NBAS: variants seen among roughly 807,000 people sequenced by gnomAD.
The protein encoded by NBAS is NAG/BC035112 fusion.
In NBAS, 219 loss-of-function variants were observed where a neutral mutation model predicts 302.5. The observed-to-expected ratio is 0.72, with a 90% CI of 0.65 to 0.81. The LOEUF (loss-of-function observed/expected upper bound fraction) is 0.81, where lower values mean the gene tolerates loss of function less well. Ranked by LOEUF, NBAS falls within the 30% of genes least tolerant of loss-of-function variation. NBAS has a pLI of 0.00. For missense variants in NBAS, 2,932 were observed against 2,841.6 expected (o/e 1.03, Z -0.72); for synonymous variants, 1,118 against 1,021.6 (o/e 1.09, Z -1.80).
chr2:15,275,225 A>G (rs1669517463), intron 44 of NBAS, among the ~76,000 whole-genome samples: 1 of 152,240 alleles, frequency 6.6e-6, no homozygotes, highest in South Asian at 2.1e-4. Flanking sequence ...ATAAAGTGAC[A>G]TGAGAACTGT....
chr2:15,378,601 T>G (rs1036972289), intron 30 of NBAS, among the ~76,000 whole-genome samples: 1 of 152,224 alleles, frequency 6.6e-6, no homozygotes, highest in Non-Finnish European at 1.5e-5. Context: ...AACACTTCCA[T>G]TAGCCTACAG....
the NBAS span, among the ~76,000 whole-genome samples, chr2:14,944,211 A>C: frequency 6.6e-6 from 1 of 152,178 alleles, no homozygotes; most frequent in Non-Finnish European, 1.5e-5. Context: ...GAGGCAGGAG[A>C]ATGGCGTGAA....
chr2:15,090,402 G>A, the NBAS span, among the ~76,000 whole-genome samples: 2 of 152,194 alleles, frequency 1.3e-5, no homozygotes, highest in Non-Finnish European at 2.9e-5. Flanking sequence ...GTCAACCAGC[G>A]TTCATATTCT....
At chr2:15,144,807 G>C in the NBAS span, among the ~76,000 whole-genome samples, 4 of 152,210 alleles carry the variant, frequency 2.6e-5, no homozygotes, top group Non-Finnish European at 5.9e-5. Flanking sequence ...TGGTTTATGA[G>C]ATCTGGTTTT....
chr2:14,962,466 A>G, the NBAS span, among the ~76,000 whole-genome samples: 9 of 152,122 alleles, frequency 5.9e-5, no homozygotes, highest in African/African-American at 2.2e-4. Context: ...TAAAGAATCT[A>G]CCCAGATTCT....
intron 23 of NBAS, among the ~76,000 whole-genome samples, chr2:15,418,890 AG>A (rs1366794409): frequency 6.6e-6 from 1 of 152,234 alleles, no homozygotes; most frequent in East Asian, 1.9e-4. Flanking sequence ...AGGAAGGCAG[AG>A]GATTTCTGAA....
chr2:15,538,281 T>A, intron 7 of NBAS: 1 of 390,888 alleles, frequency 2.6e-6, no homozygotes, highest in South Asian at 2.1e-5. Flanking sequence ...TAGCCAGAAA[T>A]AGTCTAGAAA....
chr2:15,461,300 T>C lies in NBAS; in HGVS notation c.2240A>G (p.Tyr747Cys). Reference protein sequence around the residue: ...NVQALEILFTYHGSDLLPHRL... With the variant: ...NVQALEILFTCHGSDLLPHRL... Reference sequence around the variant, plus strand: ...ATGAGGAAGCAGGTCGGAACCATGGTAAGTAAACAGAATTTCCAGGGCTTG... The same window carrying C: ...ATGAGGAAGCAGGTCGGAACCATGGCAAGTAAACAGAATTTCCAGGGCTTG... The change falls in exon 21 of 52, where the codon TAC becomes TGC. Residue 747 changes from tyrosine (Y) to cysteine (C), a missense_variant. Coordinates refer to ENST00000281513, the MANE Select transcript of NBAS (RefSeq NM_015909.4). 6.2e-7 allele frequency: 1 copy of C among 1,613,176 alleles called. No homozygotes were observed. The highest frequency in any genetic ancestry group is 8.5e-7 in the Non-Finnish European group (1 of 1,179,176).
intron 44 of NBAS, among the ~76,000 whole-genome samples, chr2:15,240,823 C>A (rs1454487936): frequency 6.6e-6 from 1 of 152,132 alleles, no homozygotes; most frequent in African/African-American, 2.4e-5. Flanking sequence ...CATTGACTGA[C>A]AAGTATTAAT....
chr2:15,360,291 C>A (rs1417723227), intron 32 of NBAS, among the ~76,000 whole-genome samples: 1 of 139,816 alleles, frequency 7.2e-6, no homozygotes, highest in African/African-American at 2.6e-5. Flanking sequence ...AAATATTTTT[C>A]TTTCTTCAGT....
the NBAS span, among the ~76,000 whole-genome samples, chr2:14,999,755 T>C: frequency 1.3e-5 from 2 of 152,244 alleles, no homozygotes; most frequent in African/African-American, 4.8e-5. Flanking sequence ...AATGGACTAA[T>C]ACATTATCTA....
chr2:15,081,905 G>A, the NBAS span, among the ~76,000 whole-genome samples: 1 of 152,172 alleles, frequency 6.6e-6, no homozygotes, highest in Non-Finnish European at 1.5e-5. Flanking sequence ...GGCACATGTG[G>A]GTTAGAATCA....
the NBAS span, among the ~76,000 whole-genome samples, chr2:14,850,254 A>C: frequency 7.7e-6 from 1 of 129,630 alleles, no homozygotes; most frequent in Non-Finnish European, 1.5e-5. Flanking sequence ...CAAATGGAAA[A>C]CAAAAAAAGG....
chr2:14,857,550 G>A, the NBAS span, among the ~76,000 whole-genome samples: 1 of 151,994 alleles, frequency 6.6e-6, no homozygotes, highest in South Asian at 2.1e-4. Context: ...TTTTGACAAA[G>A]GTGTCAAGAG....
chr2:15,441,694 T>G (rs1399640748), intron 21 of NBAS, among the ~76,000 whole-genome samples: 1 of 151,390 alleles, frequency 6.6e-6, no homozygotes, highest in Non-Finnish European at 1.5e-5. Flanking sequence ...ATGCTCCAAT[T>G]AAAAGACACA....
the NBAS span, among the ~76,000 whole-genome samples, chr2:15,033,459 G>T: frequency 1.3e-5 from 2 of 152,114 alleles, no homozygotes; most frequent in African/African-American, 4.8e-5. Flanking sequence ...AGACTTTTAG[G>T]GTTGTAGGGA....
At chr2:15,216,204 CT>C (rs1666647491) in intron 48 of NBAS, among the ~76,000 whole-genome samples, 1 of 152,290 alleles carries the variant, frequency 6.6e-6, no homozygotes, top group East Asian at 1.9e-4. Context: ...GCCAGTGTGG[CT>C]TTCTTATTTG....
intron 11 of NBAS, among the ~76,000 whole-genome samples, chr2:15,502,802 C>A (rs1661643138): frequency 6.6e-6 from 1 of 152,290 alleles, no homozygotes; most frequent in Non-Finnish European, 1.5e-5. Flanking sequence ...CCACTACATT[C>A]ATTTTTTTAA....
intron 21 of NBAS, among the ~76,000 whole-genome samples, chr2:15,440,608 T>G (rs1188412111): frequency 6.6e-6 from 1 of 152,134 alleles, no homozygotes; most frequent in Non-Finnish European, 1.5e-5. Context: ...GCAACTCTCC[T>G]CCTCCAAAGG....
Sources: allele counts gnomAD v4.1 joint callset (sites outside exome capture counted in the v4.1 genomes callset), GRCh38; gene constraint gnomAD v4.1.1; transcripts MANE v1.5; gene names NCBI Gene and HGNC (gene_info 2026-07-23, HGNC 2026-07-21).